CAMK2N2: variants seen among roughly 807,000 people sequenced by gnomAD.
CAMK2N2 encodes calcium/calmodulin-dependent protein kinase II inhibitor 2.
Under a neutral mutation model 7.8 loss-of-function variants are expected in CAMK2N2, and 3 were observed. That is an observed-to-expected ratio of 0.38 (90% CI 0.18 to 0.99). The LOEUF is 0.99. CAMK2N2 is among the 50% of genes least tolerant of loss of function. The pLI, the probability that CAMK2N2 is intolerant of heterozygous loss-of-function variation, is 0.37. For missense variants in CAMK2N2, 85 were observed against 108.4 expected, an observed-to-expected ratio of 0.78 and a Z score of 0.96; for synonymous variants, 45 against 46.6, an observed-to-expected ratio of 0.97 and a Z score of 0.14.
At position 184,260,170 on chromosome 3, in the gene CAMK2N2, G is replaced by A; in HGVS notation, c.227C>T (p.Pro76Leu). ...GAGCCGGCGCGTCTACACTCCGGAC[G>A]GCGGCTTCTCCCCCATCCCCTTCAG... ...DVLKGMGEKP[P>L]SGV Residue 76 changes from proline to leucine, a missense_variant, in exon 2 of 2, where the codon CCG (proline) becomes CTG (leucine). Coordinates refer to ENST00000296238, the MANE Select transcript of CAMK2N2 (RefSeq NM_033259.3). The surrounding 1 kb of genome is among the most constrained non-coding windows in gnomAD (Gnocchi z 6.6). 4.4e-6 allele frequency: 7 copies of A among 1,601,330 alleles called. No homozygotes were observed. The highest frequency in any genetic ancestry group is 1.1e-5 in the South Asian group (1 of 90,240).
At position 184,260,323 on chromosome 3, in the gene CAMK2N2, G is replaced by A. The variant is rs1002941412; in HGVS notation, c.170-96C>T. The A allele has an allele frequency of 1.6e-6, 2 of 1,221,044 alleles. No homozygotes were observed. Among genetic ancestry groups the A allele is most frequent in the Admixed American group, 3.8e-5 (2 of 52,960 alleles). The allele number at this position is 1,221,044 out of a possible 1,614,324, so 75.6% of individuals were successfully genotyped here. ...CTAGCTTCCCGCGCAGCTACTGCCC[G>A]TGGCCCAGCGACGCCCCTCGGAACC... On this transcript the variant is annotated intron_variant, in intron 1 of 1. Coordinates refer to ENST00000296238, the MANE Select transcript of CAMK2N2 (RefSeq NM_033259.3). The surrounding 1 kb of genome is among the most constrained non-coding windows in gnomAD (Gnocchi z 6.6).
rs1247097890 is a variant in CAMK2N2 at position 184,260,355 on chromosome 3, C to T, written c.170-128G>A. Reference sequence around the variant, plus strand: ...AGCGACGCCCCTCGGAACCCTGTGCCGCGGTGTCCTCCCCGTCCGAACTCT... The same window carrying T: ...AGCGACGCCCCTCGGAACCCTGTGCTGCGGTGTCCTCCCCGTCCGAACTCT... On this transcript the variant is annotated intron_variant, in intron 1 of 1. Coordinates refer to ENST00000296238, the MANE Select transcript of CAMK2N2 (RefSeq NM_033259.3). This position sits in a 1 kb window ranked among gnomAD's most constrained non-coding sequence, Gnocchi z 6.6. 11 of 783,032 alleles carry T rather than the reference C, an allele frequency of 1.4e-5. No homozygotes were observed. Among genetic ancestry groups the T allele is most frequent in the Non-Finnish European group, 2.2e-5 (11 of 507,038 alleles). The allele number at this position is 783,032 out of a possible 1,614,324, so 48.5% of individuals were successfully genotyped here. A position where few individuals can be genotyped will look rare whatever the true frequency, so the allele number is the denominator to read the frequency against.
chr3:184,259,390 A>G lies in CAMK2N2; in HGVS notation c.*767T>C, dbSNP rs1029428339. The G allele has an allele frequency of 2.6e-5, 4 of 152,804 alleles. No individual in the cohort carries two copies. Among genetic ancestry groups the G allele is most frequent in the African/African-American group, 9.7e-5 (4 of 41,426 alleles). 9.5% of individuals were successfully genotyped at this position (152,804 alleles called of 1,614,324 possible). A position where few individuals can be genotyped will look rare whatever the true frequency, so the allele number is the denominator to read the frequency against. Reference sequence around the variant, plus strand: ...ACGCAGGGGTCCAAGGTAAAATCGGATCTGGGCCCTTGGAAGGTGATGATA... The same window carrying G: ...ACGCAGGGGTCCAAGGTAAAATCGGGTCTGGGCCCTTGGAAGGTGATGATA... On this transcript the variant is annotated 3_prime_UTR_variant, in exon 2 of 2. Coordinates refer to ENST00000296238, the MANE Select transcript of CAMK2N2 (RefSeq NM_033259.3).
rs1176049521 is a variant in CAMK2N2, at chr3:184,261,414, C to T, written c.-129G>A. On this transcript the variant is annotated 5_prime_UTR_variant, in exon 1 of 2. Transcript: ENST00000296238. The surrounding 1 kb of genome is among the most constrained non-coding windows in gnomAD (Gnocchi z 5.1). ...GGATGAAGTCATGCAGCATCCGGGGCTGAGGAGCCAAGCGGGGCCTCCTCC... is the reference window on the plus strand; with the variant it reads ...GGATGAAGTCATGCAGCATCCGGGGTTGAGGAGCCAAGCGGGGCCTCCTCC... The T allele has an allele frequency of 2.3e-5, 17 of 737,120 alleles. No individual in the cohort carries two copies. The highest frequency in any genetic ancestry group is 3.1e-5 in the Non-Finnish European group (17 of 545,144). 45.7% of individuals were successfully genotyped at this position (737,120 alleles called of 1,614,324 possible).
At position 184,260,296 on chromosome 3, in the gene CAMK2N2, T is replaced by G. The variant is rs1719995714; in HGVS notation, c.170-69A>C. 2 of 1,455,678 alleles carry G rather than the reference T, an allele frequency of 1.4e-6. No individual in the cohort carries two copies. Among genetic ancestry groups the G allele is most frequent in the Non-Finnish European group, 9.5e-7 (1 of 1,051,508 alleles). 90.2% of individuals were successfully genotyped at this position (1,455,678 alleles called of 1,614,324 possible). On this transcript the variant is annotated intron_variant, in intron 1 of 1. Coordinates refer to ENST00000296238, the MANE Select transcript of CAMK2N2 (RefSeq NM_033259.3). This position sits in a 1 kb window ranked among gnomAD's most constrained non-coding sequence, Gnocchi z 6.6. ...GGCGGCGATGAGAATGAGCCCCGCG[T>G]CCTAGCTTCCCGCGCAGCTACTGCC...
Position 184,260,336 on chromosome 3 carries a change from G to GC in CAMK2N2, c.170-110dup, listed in dbSNP as rs1462715763. The GC allele has an allele frequency of 4.9e-6, 5 of 1,027,150 alleles. No individual in the cohort carries two copies. The African/African-American group carries it at 4.9e-5, about 10-fold the overall frequency. 63.6% of individuals were successfully genotyped at this position (1,027,150 alleles called of 1,614,324 possible). On this transcript the variant is annotated intron_variant, in intron 1 of 1. Coordinates refer to ENST00000296238, the MANE Select transcript of CAMK2N2 (RefSeq NM_033259.3). This position sits in a 1 kb window ranked among gnomAD's most constrained non-coding sequence, Gnocchi z 6.6. ...CAGCTACTGCCCGTGGCCCAGCGAC[G>GC]CCCCTCGGAACCCTGTGCCGCGGTG...
chr3:184,260,926 C>T lies in CAMK2N2; in HGVS notation c.169+191G>A, dbSNP rs1720021743. ...GTGGCGAGCATCGAATCCGGGGCACCGTGTTCCCGGGAGAAGGGAAGAGGG... is the reference window on the plus strand; with the variant it reads ...GTGGCGAGCATCGAATCCGGGGCACTGTGTTCCCGGGAGAAGGGAAGAGGG... On this transcript the variant is annotated intron_variant, in intron 1 of 1. Transcript: ENST00000296238. The surrounding 1 kb of genome is among the most constrained non-coding windows in gnomAD (Gnocchi z 6.6). Among the ~76,000 whole-genome samples, 1 of 152,188 alleles carries T rather than the reference C, an allele frequency of 6.6e-6. No homozygotes were observed. Among genetic ancestry groups the T allele is most frequent in the African/African-American group, 2.4e-5 (1 of 41,462 alleles).
chr3:184,260,349 C>T lies in CAMK2N2; in HGVS notation c.170-122G>A. On this transcript the variant is annotated intron_variant, in intron 1 of 1. Coordinates refer to ENST00000296238, the MANE Select transcript of CAMK2N2 (RefSeq NM_033259.3). This position sits in a 1 kb window ranked among gnomAD's most constrained non-coding sequence, Gnocchi z 6.6. ...TGGCCCAGCGACGCCCCTCGGAACC[C>T]TGTGCCGCGGTGTCCTCCCCGTCCG... 1.1e-6 allele frequency: 1 copy of T among 873,366 alleles called. No homozygotes were observed. Among genetic ancestry groups the T allele is most frequent in the South Asian group, 1.6e-5 (1 of 61,704 alleles). 54.1% of individuals were successfully genotyped at this position (873,366 alleles called of 1,614,324 possible).
Position 184,260,981 on chromosome 3 carries a change from TCCA to T in CAMK2N2, c.169+133_169+135del. On this transcript the variant is annotated intron_variant, in intron 1 of 1. Coordinates refer to ENST00000296238, the MANE Select transcript of CAMK2N2 (RefSeq NM_033259.3). This position sits in a 1 kb window ranked among gnomAD's most constrained non-coding sequence, Gnocchi z 6.6. ...ACACACTGCAGCGGGGACCCCCCCC[TCCA>T]GCCCGGGCTGGAGAGCGGCTGGTGC... 1.1e-6 allele frequency: 1 copy of T among 922,780 alleles called. No individual in the cohort carries two copies. Among genetic ancestry groups the T allele is most frequent in the African/African-American group, 1.8e-5 (1 of 55,960 alleles). 57.2% of individuals were successfully genotyped at this position (922,780 alleles called of 1,614,324 possible).
chr3:184,260,984 A>C lies in CAMK2N2; in HGVS notation c.169+133T>G, dbSNP rs1720024853. On this transcript the variant is annotated intron_variant, in intron 1 of 1. Transcript: ENST00000296238. This position sits in a 1 kb window ranked among gnomAD's most constrained non-coding sequence, Gnocchi z 6.6. ...CACTGCAGCGGGGACCCCCCCCTCC[A>C]GCCCGGGCTGGAGAGCGGCTGGTGC... The C allele has an allele frequency of 2.4e-3, 1,485 of 615,982 alleles. No homozygotes were observed. Among genetic ancestry groups the C allele is most frequent in the East Asian group, 7.5e-3 (132 of 17,664 alleles). The allele number at this position is 615,982 out of a possible 1,614,324, so 38.2% of individuals were successfully genotyped here. A position where few individuals can be genotyped will look rare whatever the true frequency, so the allele number is the denominator to read the frequency against.
Position 184,261,201 on chromosome 3 carries a change from G to C in CAMK2N2, c.85C>G (p.Arg29Gly). ...PEGSDLSFSCRLQDTNSFFAG... is the reference protein window; with the variant it reads ...PEGSDLSFSCGLQDTNSFFAG... The stretch of plus-strand genomic sequence containing the variant: ...AAGAAGGAGTTGGTGTCCTGCAGGC[G>C]GCAGCTGAAGGAGAGGTCGGAGCCC... The change falls in exon 1 of 2, where the codon CGC becomes GGC. Residue 29 changes from arginine to glycine, a missense_variant. Arg to Gly is a moderately radical substitution (Grantham distance 125, BLOSUM62 -2). Coordinates refer to ENST00000296238, the MANE Select transcript of CAMK2N2 (RefSeq NM_033259.3). The surrounding 1 kb of genome is among the most constrained non-coding windows in gnomAD (Gnocchi z 5.1). 1 of 1,608,342 alleles carries C rather than the reference G, an allele frequency of 6.2e-7. No homozygotes were observed. Among genetic ancestry groups the C allele is most frequent in the Non-Finnish European group, 8.5e-7 (1 of 1,178,010 alleles).
rs748657032 is a variant in CAMK2N2, at chr3:184,261,201, G to T, written c.85C>A (p.Arg29Ser). 3 of 1,608,232 alleles carry T rather than the reference G, an allele frequency of 1.9e-6. No homozygotes were observed. The highest frequency in any genetic ancestry group is 1.4e-5 in the African/African-American group (1 of 73,790). ...AAGAAGGAGTTGGTGTCCTGCAGGCGGCAGCTGAAGGAGAGGTCGGAGCCC... is the reference window on the plus strand; with the variant it reads ...AAGAAGGAGTTGGTGTCCTGCAGGCTGCAGCTGAAGGAGAGGTCGGAGCCC... ...PEGSDLSFSC[R>S]LQDTNSFFAG... The change falls in exon 1 of 2, where the codon CGC (arginine) becomes AGC (serine). Residue 29 changes from arginine to serine, a missense_variant. Coordinates refer to ENST00000296238, the MANE Select transcript of CAMK2N2 (RefSeq NM_033259.3). The surrounding 1 kb of genome is among the most constrained non-coding windows in gnomAD (Gnocchi z 5.1).
Position 184,261,314 on chromosome 3 carries a change from AGCGGGACTGCGGCGGGGCGCGG to A in CAMK2N2, c.-51_-30del. ...GGGCGCGGGGTGGGCGCGGGGCGGG[AGCGGGACTGCGGCGGGGCGCGG>A]GCGGCGGGCTTGCTGCCGGACCGGC... On this transcript the variant is annotated 5_prime_UTR_variant, in exon 1 of 2. Transcript: ENST00000296238. The surrounding 1 kb of genome is among the most constrained non-coding windows in gnomAD (Gnocchi z 5.1). The A allele has an allele frequency of 6.9e-7, 1 of 1,445,072 alleles. No individual in the cohort carries two copies. Among genetic ancestry groups the A allele is most frequent in the Non-Finnish European group, 9.0e-7 (1 of 1,106,592 alleles). 89.5% of individuals were successfully genotyped at this position (1,445,072 alleles called of 1,614,324 possible).
At position 184,261,067 on chromosome 3, in the gene CAMK2N2, C is replaced by A; in HGVS notation, c.169+50G>T. On this transcript the variant is annotated intron_variant, in intron 1 of 1. Transcript: ENST00000296238. This position sits in a 1 kb window ranked among gnomAD's most constrained non-coding sequence, Gnocchi z 5.1. ...CGGGGAACGGCAGCCGGGGGGCGCC[C>A]GGCGGAGGGTTTCTGGGTCAGGCGG... 2 of 1,523,682 alleles carry A rather than the reference C, an allele frequency of 1.3e-6. No homozygotes were observed. The highest frequency in any genetic ancestry group is 2.2e-4 in the Middle Eastern group (1 of 4,468). 94.4% of individuals were successfully genotyped at this position (1,523,682 alleles called of 1,614,324 possible).
rs1324477026 is a variant in CAMK2N2 at position 184,260,126 on chromosome 3, G to A, written c.*31C>T. ...CGCGCTCCTGGCCGCTGCGAGGCTG[G>A]GCCCGGAGCCCGCCGCCCGAGCCGG... On this transcript the variant is annotated 3_prime_UTR_variant, in exon 2 of 2. Transcript: ENST00000296238. This position sits in a 1 kb window ranked among gnomAD's most constrained non-coding sequence, Gnocchi z 6.6. 1.4e-6 allele frequency: 2 copies of A among 1,441,590 alleles called. No individual in the cohort carries two copies. The highest frequency in any genetic ancestry group is 2.1e-5 in the Admixed American group (1 of 48,254). The allele number at this position is 1,441,590 out of a possible 1,614,324, so 89.3% of individuals were successfully genotyped here.
In CAMK2N2 at chr3:184,260,322, C is replaced by G. The variant is rs1364657065; in HGVS notation, c.170-95G>C. On this transcript the variant is annotated intron_variant, in intron 1 of 1. Transcript: ENST00000296238. This position sits in a 1 kb window ranked among gnomAD's most constrained non-coding sequence, Gnocchi z 6.6. ...CCTAGCTTCCCGCGCAGCTACTGCC[C>G]GTGGCCCAGCGACGCCCCTCGGAAC... 6.5e-6 allele frequency: 8 copies of G among 1,224,186 alleles called. No homozygotes were observed. The highest frequency in any genetic ancestry group is 5.7e-5 in the Admixed American group (3 of 52,952). 75.8% of individuals were successfully genotyped at this position (1,224,186 alleles called of 1,614,324 possible). A position where few individuals can be genotyped will look rare whatever the true frequency, so the allele number is the denominator to read the frequency against.
Position 184,261,124 on chromosome 3 carries a change from G to A in CAMK2N2, c.162C>T (p.Ala54=), listed in dbSNP as rs1393282233. Residue 54 remains alanine (A), a synonymous_variant, in exon 1 of 2, where the codon GCC becomes GCT. Coordinates refer to ENST00000296238, the MANE Select transcript of CAMK2N2 (RefSeq NM_033259.3). This position sits in a 1 kb window ranked among gnomAD's most constrained non-coding sequence, Gnocchi z 5.1. The part of the protein sequence containing the change: ...RPPKLGQIGR[A]KRVVIEDDRI... ...CGGGCCCGGGCCGCGTACCTCGCTT[G>A]GCTCGGCCGATCTGGCCCAGCTTGG... 6.2e-7 allele frequency: 1 copy of A among 1,601,948 alleles called. No individual in the cohort carries two copies. Among genetic ancestry groups the A allele is most frequent in the Non-Finnish European group, 8.5e-7 (1 of 1,175,922 alleles).
rs1330193506 is a variant in CAMK2N2 at position 184,260,536 on chromosome 3, C to A, written c.170-309G>T. Reference sequence around the variant, plus strand: ...GAGTTGATCAGAAACCTCTTGCTCACGGAATCCCCCTCTTCAACCCGCACT... The same window carrying A: ...GAGTTGATCAGAAACCTCTTGCTCAAGGAATCCCCCTCTTCAACCCGCACT... On this transcript the variant is annotated intron_variant, in intron 1 of 1. Transcript: ENST00000296238. This position sits in a 1 kb window ranked among gnomAD's most constrained non-coding sequence, Gnocchi z 6.6. 6.6e-6 allele frequency among the ~76,000 whole-genome samples: 1 copy of A among 152,222 alleles called. No homozygotes were observed. Among genetic ancestry groups the A allele is most frequent in the African/African-American group, 2.4e-5 (1 of 41,462 alleles).
At position 184,260,869 on chromosome 3, in the gene CAMK2N2, C is replaced by A. The variant is rs1373050816; in HGVS notation, c.169+248G>T. Among the ~76,000 whole-genome samples, 4 of 152,220 alleles carry A rather than the reference C, an allele frequency of 2.6e-5. No homozygotes were observed. Among genetic ancestry groups the A allele is most frequent in the Non-Finnish European group, 5.9e-5 (4 of 68,042 alleles). On this transcript the variant is annotated intron_variant, in intron 1 of 1. Transcript: ENST00000296238. This position sits in a 1 kb window ranked among gnomAD's most constrained non-coding sequence, Gnocchi z 6.6. ...CAAATGCCCCGACCGGCCCCTCCCCCTCGCCCGGGTGCCAGGGCTCTGCTT... is the reference window on the plus strand; with the variant it reads ...CAAATGCCCCGACCGGCCCCTCCCCATCGCCCGGGTGCCAGGGCTCTGCTT...
Sources: allele counts gnomAD v4.1 joint callset (sites outside exome capture counted in the v4.1 genomes callset), GRCh38; gene constraint gnomAD v4.1.1; non-coding constraint Gnocchi (gnomAD v3.1); transcripts MANE v1.5; gene names NCBI Gene and HGNC (gene_info 2026-07-23, HGNC 2026-07-21).